Variants in FOXJ3 observed in about 807,000 individuals in gnomAD.
The protein encoded by FOXJ3 is forkhead box J3.
Under a neutral mutation model 76.1 loss-of-function variants are expected in FOXJ3, and 22 were observed. The observed-to-expected ratio is 0.29, with a 90% CI of 0.21 to 0.41. The LOEUF is 0.41. Among genes scored for constraint, FOXJ3 ranks in the 10% least tolerant of loss-of-function variants. The pLI is 1.00. For synonymous variants in FOXJ3, 269 were observed against 261.2 expected, an observed-to-expected ratio of 1.03 and a Z score of -0.29; for missense variants, 613 against 762.1, an observed-to-expected ratio of 0.80 and a Z score of 2.30.
intron 2 of FOXJ3, among the ~76,000 whole-genome samples, chr1:42,300,313 T>TC (rs1654054763): frequency 6.6e-6 from 1 of 152,242 alleles, no homozygotes; most frequent in African/African-American, 2.4e-5. Flanking sequence ...GTGAGCTTTT[T>TC]ATTTTTATGA....
At chr1:42,312,338 A>T (rs550857564) in intron 1 of FOXJ3, among the ~76,000 whole-genome samples, 1 of 152,186 alleles carries the variant, frequency 6.6e-6, no homozygotes, top group Non-Finnish European at 1.5e-5. Context: ...GCTTACAGGT[A>T]TAAGCGACTG....
chr1:42,222,064 A>G lies in FOXJ3; in HGVS notation c.528+5819T>C, dbSNP rs554670300. ...GGAGAAGGAGAAGAAGAAGAAGAAG[A>G]AGAAGAAGAAGAAGAAGAAGAAGAA... On this transcript the variant is annotated intron_variant, in intron 5 of 12. Coordinates refer to ENST00000361346, the MANE Select transcript of FOXJ3 (RefSeq NM_014947.5). Among the ~76,000 whole-genome samples, 111 of 123,294 alleles carry G rather than the reference A, an allele frequency of 9.0e-4. 3 individuals carry two copies. Among genetic ancestry groups the G allele is most frequent in the Admixed American group, 1.3e-3 (16 of 12,734 alleles). The allele number at this position is 123,294 out of a possible 152,430, so 80.9% of individuals were successfully genotyped here.
chr1:42,180,628 A>AT (rs1174949634), intron 12 of FOXJ3, among the ~76,000 whole-genome samples: 1 of 151,876 alleles, frequency 6.6e-6, no homozygotes, highest in African/African-American at 2.4e-5. Flanking sequence ...TCTGCTACTC[A>AT]TTTTTCTCAT....
At chr1:42,253,947 G>C (rs528232504) in intron 4 of FOXJ3, among the ~76,000 whole-genome samples, 2 of 151,370 alleles carry the variant, frequency 1.3e-5, no homozygotes, top group African/African-American at 2.4e-5. Context: ...GGCAACAAAA[G>C]CCAAAATTGA....
chr1:42,310,758 T>C (rs1293863533), intron 2 of FOXJ3, among the ~76,000 whole-genome samples: 1 of 152,152 alleles, frequency 6.6e-6, no homozygotes, highest in Non-Finnish European at 1.5e-5. Context: ...CCCAGATTAG[T>C]CTTTTTAAAA....
At chr1:42,238,836 C>A (rs1477481602) in intron 4 of FOXJ3, among the ~76,000 whole-genome samples, 1 of 152,198 alleles carries the variant, frequency 6.6e-6, no homozygotes, top group East Asian at 1.9e-4. Flanking sequence ...AGCCACCGCA[C>A]CCAGCCTAGG....
rs573579304 is a variant in FOXJ3 at position 42,188,719 on chromosome 1, A to T, written c.1645+18T>A. ...AATGAGAAAATGAGAAAAATCAAGA[A>T]GATAACTAACCCCATACCTGTTCCA... On this transcript the variant is annotated intron_variant, in intron 11 of 12. Coordinates refer to ENST00000361346, the MANE Select transcript of FOXJ3 (RefSeq NM_014947.5). 3.3e-5 allele frequency: 47 copies of T among 1,437,674 alleles called. No individual in the cohort carries two copies. The South Asian group carries it at 5.9e-4, about 18-fold the overall frequency. 89.1% of individuals were successfully genotyped at this position (1,437,674 alleles called of 1,614,324 possible). A position where few individuals can be genotyped will look rare whatever the true frequency, so the allele number is the denominator to read the frequency against.
At position 42,316,333 on chromosome 1, in the gene FOXJ3, C is replaced by CTTTTTTTTTTTTTTTTTT. The variant is rs71065173; in HGVS notation, c.-17-5224_-17-5223insAAAAAAAAAAAAAAAAAA. ...ACAGGTGCACACCACTGCATTGGGC[C>CTTTTTTTTTTTTTTTTTT]TTTTTTTTTTTTTTTTCTGTAGAAA... On this transcript the variant is annotated intron_variant, in intron 1 of 12. Transcript: ENST00000361346. 2.7e-4 allele frequency among the ~76,000 whole-genome samples: 20 copies of CTTTTTTTTTTTTTTTTTT among 73,916 alleles called. 2 individuals carry two copies. The highest frequency in any genetic ancestry group is 3.9e-4 in the East Asian group (1 of 2,550). 48.5% of individuals were successfully genotyped at this position (73,916 alleles called of 152,430 possible). A position where few individuals can be genotyped will look rare whatever the true frequency, so the allele number is the denominator to read the frequency against.
intron 4 of FOXJ3, among the ~76,000 whole-genome samples, chr1:42,237,065 T>C (rs959467124): frequency 6.6e-6 from 1 of 152,044 alleles, no homozygotes; most frequent in African/African-American, 2.4e-5. Flanking sequence ...CATGTTTTAT[T>C]TGGATTATAA....
In FOXJ3 at chr1:42,330,376, G is replaced by A. The variant is rs369401274; in HGVS notation, c.-18+4683C>T. Among the ~76,000 whole-genome samples, 13 of 152,180 alleles carry A rather than the reference G, an allele frequency of 8.5e-5. 1 individual carries two copies. In the East Asian group the frequency reaches 1.3e-3, roughly 16 times the overall value. On this transcript the variant is annotated intron_variant, in intron 1 of 12. Coordinates refer to ENST00000361346, the MANE Select transcript of FOXJ3 (RefSeq NM_014947.5). ...CAGTGGGCTGACTGCAGTGGCTCACGCCTGTAATCCTAGCGCTTTGGGAGG... is the reference window on the plus strand; with the variant it reads ...CAGTGGGCTGACTGCAGTGGCTCACACCTGTAATCCTAGCGCTTTGGGAGG...
At chr1:42,242,980 C>T (rs1649269925) in intron 4 of FOXJ3, among the ~76,000 whole-genome samples, 1 of 152,090 alleles carries the variant, frequency 6.6e-6, no homozygotes, top group Non-Finnish European at 1.5e-5. Flanking sequence ...CTTCATCAGA[C>T]TAACAGTGGA....
intron 5 of FOXJ3, among the ~76,000 whole-genome samples, chr1:42,214,139 T>C (rs1440253930): frequency 1.3e-5 from 2 of 152,156 alleles, no homozygotes; most frequent in African/African-American, 4.8e-5. Context: ...TACTCCCACA[T>C]AGCTTCAACT....
chr1:42,292,818 G>T (rs1166968649), intron 2 of FOXJ3, among the ~76,000 whole-genome samples: 1 of 152,054 alleles, frequency 6.6e-6, no homozygotes, highest in Admixed American at 6.6e-5. Context: ...AAATATTTGT[G>T]GGCTCAGCAT....
Position 42,179,780 on chromosome 1 carries a change from G to T in FOXJ3, c.1799C>A (p.Ala600Asp), listed in dbSNP as rs529969527. 4 of 1,614,068 alleles carry T rather than the reference G, an allele frequency of 2.5e-6. No individual in the cohort carries two copies. In the East Asian group the frequency reaches 6.7e-5, roughly 27 times the overall value. Residue 600 changes from alanine (A) to aspartate (D), a missense_variant, in exon 13 of 13, where the codon GCC (alanine) becomes GAC (aspartate). By Grantham distance (126) the Ala-to-Asp change is moderately radical. Around this residue, in one of 3 missense-constraint regions of FOXJ3, gnomAD observed 526 missense variants for 601.4 expected, o/e 0.87. Transcript: ENST00000361346. ...MNQQHMMPSQ[A>D]FQMRRSLPPD... ...AGGCAGGGAACGCCGCATCTGGAAGGCTTGGGAAGGCATCATGTGCTGCTG... is the reference window on the plus strand; with the variant it reads ...AGGCAGGGAACGCCGCATCTGGAAGTCTTGGGAAGGCATCATGTGCTGCTG...
chr1:42,246,692 AT>A (rs1649580040), intron 4 of FOXJ3, among the ~76,000 whole-genome samples: 1 of 152,058 alleles, frequency 6.6e-6, no homozygotes, highest in African/African-American at 2.4e-5. Flanking sequence ...ACTACTAGGT[AT>A]TTACCCAAAG....
chr1:42,188,614 T>C (rs1646483043), intron 11 of FOXJ3, 123 bp downstream of exon 11: 1 of 533,268 alleles, frequency 1.9e-6, no homozygotes, highest in Non-Finnish European at 3.2e-6. Flanking sequence ...TCATTTCTTA[T>C]AAATAAAAAT....
intron 4 of FOXJ3, among the ~76,000 whole-genome samples, chr1:42,251,828 C>A (rs1650100535): frequency 6.7e-6 from 1 of 150,084 alleles, no homozygotes; most frequent in Non-Finnish European, 1.5e-5. Context: ...ATGCCATTCT[C>A]CTGCCTCAGC....
At chr1:42,331,872 G>A (rs1243530779) in intron 1 of FOXJ3, among the ~76,000 whole-genome samples, 3 of 151,706 alleles carry the variant, frequency 2.0e-5, no homozygotes, top group African/African-American at 7.3e-5. Context: ...AAGCGTTAAA[G>A]TATAAAATCA....
chr1:42,292,702 A>G (rs774213115), intron 2 of FOXJ3, among the ~76,000 whole-genome samples: 4 of 152,222 alleles, frequency 2.6e-5, no homozygotes, highest in Non-Finnish European at 5.9e-5. Flanking sequence ...AATGACGGGT[A>G]TGTTCACCAC....
Sources: gnomAD v4.1 joint callset for allele counts (sites outside exome capture counted in the v4.1 genomes callset) on GRCh38, gnomAD v4.1.1 for gene constraint, gnomAD v4.1.1 regional missense constraint, MANE v1.5 for transcripts, NCBI Gene and HGNC (gene_info 2026-07-23, HGNC 2026-07-21) for gene names.